The following EPHB1 variants were observed in gnomAD, a reference collection of about 807,000 sequenced individuals.
The protein encoded by EPHB1 is ephrin type-B receptor 1.
A neutral mutation model predicts 94.4 loss-of-function variants in EPHB1; 30 were observed. The ratio of observed to expected loss-of-function variants is 0.32; its 90% CI spans 0.24 to 0.43. The LOEUF is 0.43. Ranked by LOEUF, EPHB1 falls within the 20% of genes least tolerant of loss-of-function variation. The pLI is 1.00. For missense variants in EPHB1, 1,055 were observed against 1,308.3 expected (o/e 0.81, Z 2.99); for synonymous variants, 522 against 489.1 (o/e 1.07, Z -0.89).
chr3:135,095,404 A>G (rs1350079725), intron 3 of EPHB1, among the ~76,000 whole-genome samples: 1 of 152,090 alleles, frequency 6.6e-6, no homozygotes, highest in African/African-American at 2.4e-5. Flanking sequence ...TCTTGAATCT[A>G]TCTACTTCTC....
chr3:135,243,474 G>A (rs1576495565), intron 13 of EPHB1, among the ~76,000 whole-genome samples: 1 of 152,306 alleles, frequency 6.6e-6, no homozygotes, highest in African/African-American at 2.4e-5. Flanking sequence ...CTGTAGAGTA[G>A]CAGTTTATTC....
chr3:135,161,916 C>G, intron 6 of EPHB1, 102 bp from the exon 7 acceptor site: 1 of 1,303,694 alleles, frequency 7.7e-7, no homozygotes, highest in South Asian at 1.5e-5. Context: ...AGCAGATATG[C>G]AGGACCAAGA....
chr3:134,972,294 G>A (rs548182863), intron 3 of EPHB1, among the ~76,000 whole-genome samples: 1 of 150,804 alleles, frequency 6.6e-6, no homozygotes, highest in Admixed American at 6.6e-5. Context: ...TGTACAGAGA[G>A]CATCTGGATC....
chr3:135,212,316 T>C (rs1943050327), intron 12 of EPHB1, among the ~76,000 whole-genome samples: 1 of 152,258 alleles, frequency 6.6e-6, no homozygotes. Context: ...GCATCTTATT[T>C]GTTTTTTCCC....
chr3:135,147,922 C>A (rs749969487), intron 5 of EPHB1, among the ~76,000 whole-genome samples: 1 of 152,188 alleles, frequency 6.6e-6, no homozygotes, highest in Non-Finnish European at 1.5e-5. Context: ...ATTTGCTGAA[C>A]TCTGAAATCT....
chr3:135,029,485 C>T (rs1336103370), intron 3 of EPHB1, among the ~76,000 whole-genome samples: 1 of 147,586 alleles, frequency 6.8e-6, no homozygotes, highest in South Asian at 2.3e-4. Flanking sequence ...ACTTATGAAG[C>T]TTAGTTTGGC....
intron 15 of EPHB1, among the ~76,000 whole-genome samples, chr3:135,251,416 G>A (rs572764561): frequency 1.2e-3 from 185 of 152,178 alleles, no homozygotes; most frequent in Non-Finnish European, 2.1e-3. Context: ...CCATTGTCAC[G>A]TAATCCCCCA....
At chr3:134,860,117 GTCATAT>G (rs1356923532) in intron 1 of EPHB1, among the ~76,000 whole-genome samples, 1 of 141,086 alleles carries the variant, frequency 7.1e-6, no homozygotes, top group African/African-American at 2.5e-5. Flanking sequence ...GCAGAGCTGT[GTCATAT>G]TCAGCTGTAA....
intron 4 of EPHB1, among the ~76,000 whole-genome samples, chr3:135,114,728 G>GATAGATAAATAAATAA (rs372220116): frequency 1.1e-4 from 15 of 133,698 alleles, no homozygotes; most frequent in African/African-American, 3.6e-4. Flanking sequence ...GTCTCAGATA[G>GATAGATAAATAAATAA]ATAAATAAAT....
chr3:135,225,395 C>G (rs539540937), intron 12 of EPHB1, among the ~76,000 whole-genome samples: 1 of 152,296 alleles, frequency 6.6e-6, no homozygotes, highest in South Asian at 2.1e-4. Context: ...CTTCTCCTGA[C>G]TTGTGGTTAA....
chr3:135,112,592 A>G (rs1214096599), intron 4 of EPHB1, among the ~76,000 whole-genome samples: 2 of 123,224 alleles, frequency 1.6e-5, no homozygotes, highest in Non-Finnish European at 3.1e-5. Flanking sequence ...TCCTGTGTCC[A>G]TGTGTTCTCA....
At chr3:135,178,998 G>C (rs745950704) in intron 9 of EPHB1, among the ~76,000 whole-genome samples, 6 of 152,040 alleles carry the variant, frequency 3.9e-5, no homozygotes, top group Non-Finnish European at 8.8e-5. Flanking sequence ...TGAATGCATT[G>C]GTTTCTTGGG....
chr3:135,106,372 T>A, intron 3 of EPHB1, 76 bp from the exon 4 acceptor site: 1 of 1,545,482 alleles, frequency 6.5e-7, no homozygotes, highest in Non-Finnish European at 8.9e-7. Flanking sequence ...AGGAAGACAC[T>A]CCTTTTCCGG....
chr3:135,178,964 CAT>C (rs1942070597), intron 9 of EPHB1, among the ~76,000 whole-genome samples: 1 of 152,218 alleles, frequency 6.6e-6, no homozygotes, highest in Admixed American at 6.5e-5. Flanking sequence ...ACGTATCAAA[CAT>C]GTTGAAAAAT....
chr3:135,070,370 C>T (rs1937663875), intron 3 of EPHB1, among the ~76,000 whole-genome samples: 1 of 152,260 alleles, frequency 6.6e-6, no homozygotes, highest in Middle Eastern at 3.4e-3. Flanking sequence ...CTGTGAAACC[C>T]TAGAGTTTAC....
At chr3:135,161,647 G>C (rs765754080) in intron 6 of EPHB1, among the ~76,000 whole-genome samples, 4 of 152,176 alleles carry the variant, frequency 2.6e-5, no homozygotes, top group Non-Finnish European at 5.9e-5. Flanking sequence ...CCTAGTTTGA[G>C]TCTGCTGAGG....
At chr3:134,940,815 T>C (rs926505899) in intron 2 of EPHB1, among the ~76,000 whole-genome samples, 23 of 152,364 alleles carry the variant, frequency 1.5e-4, no homozygotes, top group African/African-American at 5.5e-4. Flanking sequence ...ATAAGGTCCA[T>C]GCGGACAGGG....
At chr3:134,811,257 T>TG (rs2036173952) in intron 1 of EPHB1, among the ~76,000 whole-genome samples, 1 of 96,874 alleles carries the variant, frequency 1.0e-5, no homozygotes, top group African/African-American at 6.3e-5. Context: ...TTTTTTTTTT[T>TG]TTTTTTCTGT....
rs200254670 is a variant in EPHB1 at position 135,192,838 on chromosome 3, G to A, written c.2130+15G>A. 5.5e-5 allele frequency: 88 copies of A among 1,609,016 alleles called. No homozygotes were observed. The African/African-American group carries it at 1.1e-3, about 20-fold the overall frequency. ...CTTTCCTCAGGGTAAGAGCAACTCA[G>A]GGGTTTGATGATGCACTTGGATGCA... is the stretch of plus-strand genomic sequence containing the variant. On this transcript the variant is annotated intron_variant, in intron 11 of 15. Coordinates refer to ENST00000398015, the MANE Select transcript of EPHB1 (RefSeq NM_004441.5).
Sources: allele counts gnomAD v4.1 joint callset (sites outside exome capture counted in the v4.1 genomes callset), GRCh38; gene constraint gnomAD v4.1.1; transcripts MANE v1.5; gene names NCBI Gene and HGNC (gene_info 2026-07-23, HGNC 2026-07-21).